Variants in COL25A1 observed in about 807,000 individuals in gnomAD.
The protein encoded by COL25A1 is collagen alpha-1(XXV) chain.
COL25A1 carries 103 observed loss-of-function variants against 128.4 expected under a neutral mutation model. That is an observed-to-expected ratio of 0.80 (90% CI 0.68 to 0.94). The LOEUF (loss-of-function observed/expected upper bound fraction) is 0.94. COL25A1 is among the 40% of genes least tolerant of loss of function. The pLI is 0.00. For synonymous variants in COL25A1, 279 were observed against 277.2 expected, an observed-to-expected ratio of 1.01 and a Z score of -0.06; for missense variants, 745 against 840.0, an observed-to-expected ratio of 0.89 and a Z score of 1.40.
intron 33 of COL25A1, among the ~76,000 whole-genome samples, chr4:108,825,885 CTGTT>C: frequency 6.6e-6 from 1 of 152,164 alleles, no homozygotes; most frequent in Non-Finnish European, 1.5e-5. Context: ...AGTTGTAAGA[CTGTT>C]AGGCAAGAAT....
intron 3 of COL25A1, among the ~76,000 whole-genome samples, chr4:109,161,380 C>A (rs900150045): frequency 6.6e-6 from 1 of 152,112 alleles, no homozygotes. Flanking sequence ...TTGATAGAAA[C>A]CTGAATTAGT....
rs183297275 is a variant in COL25A1 at position 108,856,521 on chromosome 4, C to T, written c.1320+3135G>A. On this transcript the variant is annotated intron_variant, in intron 24 of 37. Transcript: ENST00000399132. The stretch of plus-strand genomic sequence containing the variant: ...TTAGAAGAATAAATGTCTACCATCT[C>T]TTCTCAATCTAATGTATTAATTTTA... 2.1e-3 allele frequency among the ~76,000 whole-genome samples: 314 copies of T among 152,274 alleles called. 6 individuals are homozygous for T. The highest frequency in any genetic ancestry group is 7.0e-3 in the African/African-American group (291 of 41,566).
intron 11 of COL25A1, among the ~76,000 whole-genome samples, chr4:108,929,489 A>C (rs1746469177): frequency 6.6e-6 from 1 of 152,142 alleles, no homozygotes; most frequent in African/African-American, 2.4e-5. Context: ...TTTTAGTTAT[A>C]ACGTGCATAT....
chr4:108,914,317 A>G (rs1744610399), intron 13 of COL25A1, among the ~76,000 whole-genome samples: 1 of 152,222 alleles, frequency 6.6e-6, no homozygotes, highest in African/African-American at 2.4e-5. Context: ...TTGAATGCAG[A>G]GAAAAAAGGG....
At chr4:108,832,250 T>C in intron 32 of COL25A1, 130 bp downstream of exon 32, 2 of 642,114 alleles carry the variant, frequency 3.1e-6, no homozygotes, top group Non-Finnish European at 2.7e-6. Flanking sequence ...GAACTTAGGA[T>C]GGTATCTCTT....
intron 6 of COL25A1, among the ~76,000 whole-genome samples, chr4:108,986,078 A>G (rs961385086): frequency 4.6e-5 from 7 of 152,076 alleles, no homozygotes; most frequent in African/African-American, 1.7e-4. Flanking sequence ...TATAGATTTC[A>G]TTTTCCACAA....
intron 3 of COL25A1, among the ~76,000 whole-genome samples, chr4:109,208,474 A>G (rs533208140): frequency 7.4e-6 from 1 of 135,018 alleles, no homozygotes; most frequent in Non-Finnish European, 1.6e-5. Flanking sequence ...GAAAGAAGAT[A>G]TCAGTTAATA....
intron 19 of COL25A1, among the ~76,000 whole-genome samples, chr4:108,870,898 A>C (rs1376635257): frequency 1.3e-5 from 2 of 152,224 alleles, no homozygotes; most frequent in African/African-American, 2.4e-5. Flanking sequence ...TTCAAGTGAA[A>C]ATAAAATGAT....
chr4:109,301,499 A>G (rs1725520107), intron 2 of COL25A1, among the ~76,000 whole-genome samples: 1 of 152,212 alleles, frequency 6.6e-6, no homozygotes, highest in African/African-American at 2.4e-5. Context: ...GCAAACATTA[A>G]GAGAGAGTGA....
At chr4:108,919,722 A>G (rs1745282040) in intron 12 of COL25A1, among the ~76,000 whole-genome samples, 1 of 152,016 alleles carries the variant, frequency 6.6e-6, no homozygotes, top group Admixed American at 6.6e-5. Flanking sequence ...GGATAGGTGT[A>G]ATTTTGGAAA....
chr4:109,235,187 A>G (rs905353051), intron 3 of COL25A1, among the ~76,000 whole-genome samples: 1 of 151,996 alleles, frequency 6.6e-6, no homozygotes, highest in African/African-American at 2.4e-5. Context: ...GTGAGAAAAT[A>G]CCTATCCCCA....
intron 3 of COL25A1, among the ~76,000 whole-genome samples, chr4:109,093,430 G>A (rs189943354): frequency 1.2e-3 from 176 of 143,626 alleles, no homozygotes; most frequent in Non-Finnish European, 2.1e-3. Context: ...GACCAGCCTG[G>A]GCAATACAGC....
intron 3 of COL25A1, among the ~76,000 whole-genome samples, chr4:109,150,087 CTGTA>C (rs1190891276): frequency 2.0e-5 from 3 of 150,458 alleles, no homozygotes; most frequent in Non-Finnish European, 4.5e-5. Flanking sequence ...GTTTGTATGT[CTGTA>C]TGTGTGTGTG....
intron 20 of COL25A1, among the ~76,000 whole-genome samples, chr4:108,865,200 T>C (rs1737741520): frequency 6.6e-6 from 1 of 152,172 alleles, no homozygotes; most frequent in Non-Finnish European, 1.5e-5. Flanking sequence ...GTTGATGACA[T>C]ATTTATGGAT....
chr4:109,287,836 C>T (rs1180903090), intron 3 of COL25A1, among the ~76,000 whole-genome samples: 2 of 152,108 alleles, frequency 1.3e-5, no homozygotes, highest in Non-Finnish European at 2.9e-5. Flanking sequence ...GTTTGAGGAG[C>T]TGATAAAGTG....
chr4:109,146,900 ACCAAATCTGTGTATGTGTGTG>A (rs1473609560), intron 3 of COL25A1, among the ~76,000 whole-genome samples: 2 of 152,218 alleles, frequency 1.3e-5, no homozygotes, highest in Non-Finnish European at 1.5e-5. Context: ...ACATCTTCGG[ACCAAATCTGTGTATGTGTGTG>A]TACACACAGT....
chr4:108,992,502 A>G (rs181962786), intron 6 of COL25A1, among the ~76,000 whole-genome samples: 1 of 152,208 alleles, frequency 6.6e-6, no homozygotes, highest in African/African-American at 2.4e-5. Flanking sequence ...GTGGTTATAC[A>G]CAACCACCAT....
chr4:109,123,656 A>C (rs1768312126), intron 3 of COL25A1, among the ~76,000 whole-genome samples: 1 of 152,182 alleles, frequency 6.6e-6, no homozygotes, highest in African/African-American at 2.4e-5. Flanking sequence ...TTTCACAATT[A>C]CAAAGAAATA....
At chr4:109,140,727 C>T (rs1770317606) in intron 3 of COL25A1, among the ~76,000 whole-genome samples, 1 of 152,108 alleles carries the variant, frequency 6.6e-6, no homozygotes, top group Admixed American at 6.5e-5. Flanking sequence ...TGATTTGGCT[C>T]TCTGTTTGCC....
Sources: gnomAD v4.1 joint callset for allele counts (sites outside exome capture counted in the v4.1 genomes callset) on GRCh38, gnomAD v4.1.1 for gene constraint, MANE v1.5 for transcripts, NCBI Gene and HGNC (gene_info 2026-07-23, HGNC 2026-07-21) for gene names.